Variants in FRMD4A observed in about 807,000 individuals in gnomAD.
The protein encoded by FRMD4A is FERM domain-containing protein 4A.
Under a neutral mutation model 129.1 loss-of-function variants are expected in FRMD4A, and 29 were observed. The observed-to-expected ratio is 0.22, with a 90% CI of 0.17 to 0.31. The LOEUF (loss-of-function observed/expected upper bound fraction) is 0.31, where lower values mean the gene tolerates loss of function less well. Among genes scored for constraint, FRMD4A ranks in the 10% least tolerant of loss-of-function variants. The pLI, the probability that FRMD4A is intolerant of heterozygous loss-of-function variation, is 1.00. For synonymous variants in FRMD4A, 634 were observed against 571.6 expected (o/e 1.11, Z -1.56); for missense variants, 1,272 against 1,375.8 (o/e 0.92, Z 1.19).
At chr10:14,061,469 A>G (rs1834810327) in intron 2 of FRMD4A, among the ~76,000 whole-genome samples, 1 of 152,192 alleles carries the variant, frequency 6.6e-6, no homozygotes, top group African/African-American at 2.4e-5. Context: ...TGGAAAATAT[A>G]AAAATAAGCT....
chr10:14,309,289 A>G (rs755954912), intron 2 of FRMD4A, among the ~76,000 whole-genome samples: 6 of 152,102 alleles, frequency 3.9e-5, no homozygotes, highest in Non-Finnish European at 7.4e-5. Context: ...ATCTCTAAAA[A>G]AATTTTTTAA....
At chr10:14,314,221 T>C (rs1248725491) in intron 2 of FRMD4A, among the ~76,000 whole-genome samples, 1 of 151,962 alleles carries the variant, frequency 6.6e-6, no homozygotes, top group Non-Finnish European at 1.5e-5. Flanking sequence ...ACCTAACACT[T>C]TTGCCACCTC....
At chr10:13,878,824 G>GAAGGAAGGAAGGAAGT (rs2094517349) in intron 2 of FRMD4A, among the ~76,000 whole-genome samples, 1 of 150,118 alleles carries the variant, frequency 6.7e-6, no homozygotes. Flanking sequence ...GGGAGGGAGG[G>GAAGGAAGGAAGGAAGT]AAGGAAGGAA....
chr10:14,329,027 T>C (rs372278359), intron 2 of FRMD4A, among the ~76,000 whole-genome samples: 133 of 152,290 alleles, frequency 8.7e-4, no homozygotes, highest in African/African-American at 3.1e-3. Flanking sequence ...AGAACCAAGA[T>C]ATCTGTTCCT....
At chr10:14,056,514 T>G (rs1244220386) in intron 2 of FRMD4A, among the ~76,000 whole-genome samples, 1 of 151,508 alleles carries the variant, frequency 6.6e-6, no homozygotes, top group East Asian at 1.9e-4. Context: ...TCTTTCTAAC[T>G]ATATTTTTTT....
At chr10:13,825,206 G>T (rs1490458343) in intron 3 of FRMD4A, among the ~76,000 whole-genome samples, 1 of 152,166 alleles carries the variant, frequency 6.6e-6, no homozygotes, top group Admixed American at 6.5e-5. Flanking sequence ...CACTACACTT[G>T]CACTTTGAGG....
intron 2 of FRMD4A, among the ~76,000 whole-genome samples, chr10:14,027,212 T>C (rs576364434): frequency 7.2e-5 from 11 of 152,374 alleles, no homozygotes; most frequent in Middle Eastern, 3.4e-3. Context: ...CTTCCTGGGA[T>C]GGACAAGGGA....
intron 2 of FRMD4A, chr10:13,972,305 G>C (rs2095523169): frequency 7.1e-6 from 7 of 987,030 alleles, no homozygotes; most frequent in Middle Eastern, 5.2e-4. Flanking sequence ...TTTACAACTT[G>C]GAGAACCCAT....
chr10:14,229,562 C>T (rs979851502), intron 2 of FRMD4A, among the ~76,000 whole-genome samples: 5 of 152,054 alleles, frequency 3.3e-5, no homozygotes, highest in African/African-American at 9.7e-5. Flanking sequence ...TGCAGCCTCC[C>T]GAGTAGCTGG....
chr10:13,993,985 A>C (rs977118462), intron 2 of FRMD4A, among the ~76,000 whole-genome samples: 3 of 150,380 alleles, frequency 2.0e-5, no homozygotes, highest in Admixed American at 6.6e-5. Context: ...GCAGGGGAGA[A>C]TATGTAGATA....
chr10:14,187,546 C>G (rs573878861), intron 2 of FRMD4A, among the ~76,000 whole-genome samples: 1 of 152,252 alleles, frequency 6.6e-6, no homozygotes, highest in African/African-American at 2.4e-5. Flanking sequence ...CATTTACCCC[C>G]AAATTGACAT....
chr10:14,313,603 G>A (rs555847300), intron 2 of FRMD4A, among the ~76,000 whole-genome samples: 72 of 140,540 alleles, frequency 5.1e-4, no homozygotes, highest in African/African-American at 1.7e-3. Context: ...CAGCTATTTG[G>A]TAACTATTAT....
chr10:13,744,891 G>A (rs2091213156), intron 9 of FRMD4A, among the ~76,000 whole-genome samples: 1 of 152,214 alleles, frequency 6.6e-6, no homozygotes, highest in African/African-American at 2.4e-5. Context: ...CTGTAGGAAG[G>A]AGGAACAGCA....
chr10:13,791,370 A>T (rs2092995386), intron 5 of FRMD4A, among the ~76,000 whole-genome samples: 1 of 149,436 alleles, frequency 6.7e-6, no homozygotes. Flanking sequence ...ATTTTCCTGA[A>T]CACACTCAGA....
At chr10:14,096,952 T>C (rs902546299) in intron 2 of FRMD4A, 1 of 151,834 alleles carries the variant, frequency 6.6e-6, no homozygotes, top group African/African-American at 2.4e-5. Context: ...CTAGCCAACA[T>C]GGTGAAACCC....
At chr10:14,060,694 G>A (rs1834766468) in intron 2 of FRMD4A, among the ~76,000 whole-genome samples, 1 of 152,140 alleles carries the variant, frequency 6.6e-6, no homozygotes, top group Admixed American at 6.5e-5. Context: ...TTCCATATAT[G>A]GGAATTTGGT....
At chr10:14,284,646 C>T (rs7101047) in intron 2 of FRMD4A, among the ~76,000 whole-genome samples, 48,550 of 151,988 alleles carry the variant, frequency 0.32, 8,088 homozygotes, top group Middle Eastern at 0.37. Context: ...GAGGGAAACT[C>T]CGTCTCAAAC....
chr10:13,828,647 C>T (rs960432474), intron 3 of FRMD4A, among the ~76,000 whole-genome samples: 1 of 151,988 alleles, frequency 6.6e-6, no homozygotes. Flanking sequence ...ATTCTCCTGC[C>T]TCATACTCTC....
chr10:13,905,821 A>C (rs1241832501), intron 2 of FRMD4A, among the ~76,000 whole-genome samples: 2 of 152,222 alleles, frequency 1.3e-5, no homozygotes, highest in African/African-American at 4.8e-5. Context: ...GTCATGGCTT[A>C]ATTTTGAGCA....
Sources: gnomAD v4.1 joint callset for allele counts (sites outside exome capture counted in the v4.1 genomes callset) on GRCh38, gnomAD v4.1.1 for gene constraint, MANE v1.5 for transcripts, NCBI Gene and HGNC (gene_info 2026-07-23, HGNC 2026-07-21) for gene names.